VPS13B: variants seen among roughly 807,000 people sequenced by gnomAD.
VPS13B encodes the protein vacuolar protein sorting 13 homolog B, also known as intermembrane lipid transfer protein VPS13B.
In VPS13B, 285 loss-of-function variants were observed where a neutral mutation model predicts 426.4. The ratio of observed to expected loss-of-function variants is 0.67; its 90% CI spans 0.61 to 0.74. The LOEUF is 0.74. Among genes scored for constraint, VPS13B ranks in the 30% least tolerant of loss-of-function variants. VPS13B has a pLI of 0.00. For synonymous variants in VPS13B, 1,676 were observed against 1,676.4 expected, an observed-to-expected ratio of 1.00 and a Z score of 0.01; for missense variants, 4,537 against 4,782.6, an observed-to-expected ratio of 0.95 and a Z score of 1.51.
chr8:99,333,527 G>C (rs534181338), intron 19 of VPS13B, among the ~76,000 whole-genome samples: 1 of 151,860 alleles, frequency 6.6e-6, no homozygotes, highest in South Asian at 2.1e-4. Context: ...ATTTGTGTTT[G>C]TATGTATTTA....
intron 15 of VPS13B, among the ~76,000 whole-genome samples, chr8:99,166,345 C>T (rs937699429): frequency 3.3e-5 from 5 of 152,116 alleles, no homozygotes; most frequent in African/African-American, 9.7e-5. Flanking sequence ...AACATTTCAC[C>T]TAATTGGGAT....
At chr8:99,237,356 A>G (rs1358615577) in intron 17 of VPS13B, among the ~76,000 whole-genome samples, 3 of 152,238 alleles carry the variant, frequency 2.0e-5, no homozygotes, top group African/African-American at 4.8e-5. Flanking sequence ...ATAAAAATAG[A>G]GGATTATATC....
chr8:99,715,140 T>C (rs1042733693), intron 36 of VPS13B, among the ~76,000 whole-genome samples: 5 of 152,022 alleles, frequency 3.3e-5, no homozygotes, highest in Admixed American at 3.3e-4. Flanking sequence ...GATTTCTAGA[T>C]CTCTTCCATC....
chr8:99,123,503 A>T (rs112649132), intron 8 of VPS13B, among the ~76,000 whole-genome samples: 191 of 152,250 alleles, frequency 1.3e-3, no homozygotes, highest in African/African-American at 4.4e-3. Context: ...AGTGAGATAA[A>T]CAATATTTGG....
intron 30 of VPS13B, among the ~76,000 whole-genome samples, chr8:99,534,513 G>A (rs931803299): frequency 6.6e-6 from 1 of 152,004 alleles, no homozygotes; most frequent in Non-Finnish European, 1.5e-5. Context: ...ATATATTTTG[G>A]TTATATTAAG....
intron 3 of VPS13B, among the ~76,000 whole-genome samples, chr8:99,081,125 T>C (rs1290291795): frequency 6.6e-6 from 1 of 152,198 alleles, no homozygotes; most frequent in African/African-American, 2.4e-5. Flanking sequence ...TCCTTCAAAA[T>C]TGGGGATTCA....
intron 24 of VPS13B, among the ~76,000 whole-genome samples, chr8:99,476,150 G>A (rs1324010494): frequency 6.6e-6 from 1 of 152,136 alleles, no homozygotes; most frequent in Non-Finnish European, 1.5e-5. Flanking sequence ...TTGCAAATTG[G>A]TATGAACATC....
chr8:99,375,097 T>C (rs1813411113), intron 19 of VPS13B, among the ~76,000 whole-genome samples: 1 of 152,208 alleles, frequency 6.6e-6, no homozygotes, highest in Non-Finnish European at 1.5e-5. Context: ...TCATGAACAA[T>C]TGATCGACAC....
intron 4 of VPS13B, 78 bp downstream of exon 4, chr8:99,096,510 C>T (rs1211896891): frequency 1.3e-6 from 2 of 1,586,820 alleles, no homozygotes; most frequent in East Asian, 2.3e-5. Context: ...AATCCCAGTG[C>T]TTTGGGGGGC....
At chr8:99,589,803 T>C (rs1286261274) in intron 33 of VPS13B, among the ~76,000 whole-genome samples, 1 of 152,188 alleles carries the variant, frequency 6.6e-6, no homozygotes, top group African/African-American at 2.4e-5. Flanking sequence ...ATTCTCTTTT[T>C]TTATTGTGTC....
chr8:99,545,613 T>C (rs1367074606), intron 30 of VPS13B, among the ~76,000 whole-genome samples: 2 of 152,138 alleles, frequency 1.3e-5, no homozygotes, highest in African/African-American at 2.4e-5. Context: ...TGCTGATAGA[T>C]TTCACGAAAT....
intron 36 of VPS13B, among the ~76,000 whole-genome samples, chr8:99,713,931 G>C (rs111912545): frequency 1.1e-3 from 165 of 152,246 alleles, no homozygotes; most frequent in African/African-American, 3.8e-3. Context: ...ACCAAAGTCA[G>C]GAATTTGAGA....
At position 99,859,427 on chromosome 8, in the gene VPS13B, T is replaced by G; in HGVS notation, c.10991T>G (p.Phe3664Cys). The G allele has an allele frequency of 1.5e-5, 24 of 1,614,136 alleles. No individual in the cohort carries two copies. The highest frequency in any genetic ancestry group is 2.0e-5 in the Non-Finnish European group (24 of 1,180,032). The change falls in exon 57 of 62, where the codon TTC (phenylalanine) becomes TGC (cysteine). Residue 3664 changes from phenylalanine to cysteine, a missense_variant. Around this residue, in one of 2 missense-constraint regions of VPS13B, gnomAD observed 4,311 missense variants for 4,474.3 expected, o/e 0.96. Coordinates refer to ENST00000357162, the MANE Select transcript of VPS13B (RefSeq NM_152564.5). ...GGGCTGACCCGGGGCCCTGGAGCCT[T>G]CGTGAGTGGCGTCTCCAGAGGGACC... ...YEGLTRGPGA[F>C]VSGVSRGTTS...
intron 17 of VPS13B, among the ~76,000 whole-genome samples, chr8:99,204,749 A>T (rs1814583983): frequency 6.6e-6 from 1 of 152,246 alleles, no homozygotes; most frequent in Admixed American, 6.5e-5. Flanking sequence ...GAAACATATG[A>T]AAAAAAGCTC....
chr8:99,677,211 T>A (rs1308747667), intron 35 of VPS13B, among the ~76,000 whole-genome samples: 1 of 152,270 alleles, frequency 6.6e-6, no homozygotes, highest in African/African-American at 2.4e-5. Context: ...CCTCTGCCCC[T>A]TCTCTCTTGC....
At chr8:99,762,259 C>A (rs1810971581) in intron 39 of VPS13B, among the ~76,000 whole-genome samples, 1 of 152,098 alleles carries the variant, frequency 6.6e-6, no homozygotes, top group Non-Finnish European at 1.5e-5. Context: ...CTCCTGGGCT[C>A]CAGCAATCCT....
chr8:99,639,988 A>G (rs1222013173), intron 33 of VPS13B, among the ~76,000 whole-genome samples: 5 of 8,318 alleles, frequency 6.0e-4, no homozygotes, highest in Non-Finnish European at 1.4e-3. Context: ...AAAAATAGTA[A>G]TAATAATAAT....
intron 19 of VPS13B, among the ~76,000 whole-genome samples, chr8:99,325,317 C>T (rs997334671): frequency 4.6e-5 from 7 of 152,142 alleles, no homozygotes; most frequent in Non-Finnish European, 1.0e-4. Flanking sequence ...AACTTCTCAC[C>T]GTCAATCACA....
At chr8:99,760,401 G>A (rs1319953572) in intron 39 of VPS13B, among the ~76,000 whole-genome samples, 1 of 152,022 alleles carries the variant, frequency 6.6e-6, no homozygotes, top group East Asian at 1.9e-4. Context: ...CCTTAATTTG[G>A]CCTAAAAACA....
Sources: gnomAD v4.1 joint callset for allele counts (sites outside exome capture counted in the v4.1 genomes callset) on GRCh38, gnomAD v4.1.1 for gene constraint, gnomAD v4.1.1 regional missense constraint, MANE v1.5 for transcripts, NCBI Gene and HGNC (gene_info 2026-07-23, HGNC 2026-07-21) for gene names.